The following CELF2 variants were observed in gnomAD, a reference collection of about 807,000 sequenced individuals.
The protein encoded by CELF2 is CUG triplet repeat RNA-binding protein 2.
A neutral mutation model predicts 62.6 loss-of-function variants in CELF2; 8 were observed. The ratio of observed to expected loss-of-function variants is 0.13; its 90% CI spans 0.07 to 0.23. The LOEUF (loss-of-function observed/expected upper bound fraction) is 0.23. Ranked by LOEUF, CELF2 falls within the 10% of genes least tolerant of loss-of-function variation. The pLI, the probability that CELF2 is intolerant of heterozygous loss-of-function variation, is 1.00. For missense variants in CELF2, 333 were observed against 671.0 expected, an observed-to-expected ratio of 0.50 and a Z score of 5.56; for synonymous variants, 258 against 250.0, an observed-to-expected ratio of 1.03 and a Z score of -0.30.
the CELF2 span, among the ~76,000 whole-genome samples, chr10:10,774,946 T>G: frequency 9.2e-5 from 14 of 152,132 alleles, no homozygotes; most frequent in Non-Finnish European, 1.9e-4. Context: ...TGGTGCAATC[T>G]TGGCTCACTG....
chr10:10,772,535 G>A, the CELF2 span, among the ~76,000 whole-genome samples: 116 of 152,298 alleles, frequency 7.6e-4, no homozygotes, highest in East Asian at 0.016. Flanking sequence ...TAGTTGCAAG[G>A]TGAATATTTG....
intron 1 of CELF2, among the ~76,000 whole-genome samples, chr10:10,823,842 A>G (rs759991224): frequency 1.2e-4 from 19 of 152,198 alleles, no homozygotes; most frequent in Non-Finnish European, 2.1e-4. Flanking sequence ...GAGAAAAAGC[A>G]TAAAACTTGT....
At chr10:10,490,570 G>A in the CELF2 span, among the ~76,000 whole-genome samples, 3 of 33,914 alleles carry the variant, frequency 8.8e-5, no homozygotes, top group Non-Finnish European at 2.0e-4. Context: ...TATCTGGTTG[G>A]GGGGGGGTGG....
rs11256931 is a variant in CELF2, at chr10:10,948,269, T to A, written c.89+28270T>A. On this transcript the variant is annotated intron_variant, in intron 2 of 13. Coordinates refer to the CELF2 transcript ENST00000636488. ...GCTTCCCACCTGAGCTCATGCTGCA[T>A]CTTCTCTAGCCCAGGAGGTGCCCTC... 9.4e-3 allele frequency: 1,429 copies of A among 152,412 alleles called. 6 individuals carry two copies. The highest frequency in any genetic ancestry group is 0.015 in the Non-Finnish European group (1,031 of 68,100). 9.4% of individuals were successfully genotyped at this position (152,412 alleles called of 1,614,324 possible).
At chr10:10,778,343 C>T in the CELF2 span, among the ~76,000 whole-genome samples, 1 of 152,156 alleles carries the variant, frequency 6.6e-6, no homozygotes, top group African/African-American at 2.4e-5. Flanking sequence ...TACACAGAGT[C>T]GTACACAGAG....
the CELF2 span, among the ~76,000 whole-genome samples, chr10:10,508,205 C>T: frequency 1.3e-5 from 2 of 151,886 alleles, no homozygotes; most frequent in African/African-American, 2.4e-5. Context: ...TTGCAATAGG[C>T]AGTCAAATTG....
At chr10:10,962,900 G>C (rs889763963) in intron 2 of CELF2, among the ~76,000 whole-genome samples, 2 of 152,178 alleles carry the variant, frequency 1.3e-5, no homozygotes, top group Non-Finnish European at 2.9e-5. Context: ...TTTCCATAGT[G>C]ACCATATATT....
chr10:11,312,936 A>C (rs1266424142), intron 9 of CELF2, among the ~76,000 whole-genome samples: 1 of 152,208 alleles, frequency 6.6e-6, no homozygotes, highest in Non-Finnish European at 1.5e-5. Context: ...TCTGTCTCAA[A>C]GGACAGCAAG....
At chr10:11,054,817 T>C (rs1291829) in intron 1 of CELF2, among the ~76,000 whole-genome samples, 59,551 of 152,042 alleles carry the variant, frequency 0.39, 13,933 homozygotes, top group African/African-American at 0.64. Context: ...TGGGTTCAAG[T>C]GATGCTCCTG....
chr10:11,307,890 A>G (rs2094342156), intron 9 of CELF2, among the ~76,000 whole-genome samples: 1 of 152,154 alleles, frequency 6.6e-6, no homozygotes, highest in Admixed American at 6.5e-5. Context: ...CCTGCTCACC[A>G]CAGAGGCAGG....
chr10:11,223,095 G>A lies in CELF2; in HGVS notation c.354+5588G>A, dbSNP rs9783129. 0.067 allele frequency among the ~76,000 whole-genome samples: 10,138 copies of A among 152,240 alleles called. 503 individuals carry two copies. The highest frequency in any genetic ancestry group is 0.14 in the African/African-American group (5,813 of 41,506). On this transcript the variant is annotated intron_variant, in intron 3 of 12. Coordinates refer to ENST00000633077, the MANE Select transcript of CELF2 (RefSeq NM_001326342.2). This position sits in a 1 kb window ranked among gnomAD's most constrained non-coding sequence, Gnocchi z 5.1. ...TCACCAACGATCTCAGTTCCTTGGT[G>A]TAATTATAATTCTTTGTTTATGGGT...
chr10:10,563,622 A>G, the CELF2 span, among the ~76,000 whole-genome samples: 3 of 151,750 alleles, frequency 2.0e-5, no homozygotes, highest in African/African-American at 7.3e-5. Flanking sequence ...AAAAAAAAAA[A>G]AAAAAGGGCA....
At chr10:10,922,260 G>A (rs1299481605) in intron 2 of CELF2, among the ~76,000 whole-genome samples, 1 of 152,052 alleles carries the variant, frequency 6.6e-6, no homozygotes, top group Admixed American at 6.6e-5. Context: ...GTGTCTCCCC[G>A]CTAAAATTGT....
At chr10:11,241,880 T>A (rs2074021332) in intron 3 of CELF2, among the ~76,000 whole-genome samples, 1 of 152,172 alleles carries the variant, frequency 6.6e-6, no homozygotes, top group South Asian at 2.1e-4. Context: ...TGAAACTTGT[T>A]TTTAGCATTC....
At chr10:10,967,458 T>C (rs1053910336) in intron 2 of CELF2, among the ~76,000 whole-genome samples, 2 of 152,092 alleles carry the variant, frequency 1.3e-5, no homozygotes, top group African/African-American at 4.8e-5. Context: ...CTTTGAGAAG[T>C]AGGCATCGAG....
At chr10:10,710,159 A>G in the CELF2 span, among the ~76,000 whole-genome samples, 1 of 152,224 alleles carries the variant, frequency 6.6e-6, no homozygotes, top group Non-Finnish European at 1.5e-5. Flanking sequence ...CTCTAAAGGA[A>G]TGCTTTAAAT....
intron 1 of CELF2, among the ~76,000 whole-genome samples, chr10:11,086,626 G>C (rs1287541541): frequency 1.7e-5 from 2 of 115,886 alleles, no homozygotes; most frequent in African/African-American, 6.7e-5. Flanking sequence ...GACAGCACCA[G>C]CAACACAACA....
intron 5 of CELF2, among the ~76,000 whole-genome samples, chr10:11,259,154 A>G (rs747270109): frequency 2.6e-5 from 4 of 152,276 alleles, no homozygotes; most frequent in Non-Finnish European, 4.4e-5. Flanking sequence ...ACATGTTGAA[A>G]GAAAAGATTG....
the CELF2 span, among the ~76,000 whole-genome samples, chr10:10,767,454 G>A: frequency 2.6e-3 from 389 of 152,244 alleles, 2 homozygotes; most frequent in African/African-American, 8.8e-3. Flanking sequence ...AGGAAATGGA[G>A]CCTGGAACTT....
Sources: allele counts gnomAD v4.1 joint callset (sites outside exome capture counted in the v4.1 genomes callset), GRCh38; gene constraint gnomAD v4.1.1; non-coding constraint Gnocchi (gnomAD v3.1); transcripts MANE v1.5; gene names NCBI Gene and HGNC (gene_info 2026-07-23, HGNC 2026-07-21).